Variants in TMEM150C observed in about 807,000 individuals in gnomAD.
TMEM150C encodes tentonin 3.
Under a neutral mutation model 29.9 loss-of-function variants are expected in TMEM150C, and 10 were observed. The ratio of observed to expected loss-of-function variants is 0.33; its 90% confidence interval spans 0.21 to 0.57. The LOEUF (loss-of-function observed/expected upper bound fraction) is 0.57, where lower values mean the gene tolerates loss of function less well. Ranked by LOEUF, TMEM150C falls within the 20% of genes least tolerant of loss-of-function variation. The pLI is 0.88. For synonymous variants in TMEM150C, 101 were observed against 112.5 expected (o/e 0.90, Z 0.64); for missense variants, 251 against 303.6 (o/e 0.83, Z 1.29).
chr4:82,520,336 C>T (rs185048883), intron 1 of TMEM150C, among the ~76,000 whole-genome samples: 20 of 152,290 alleles, frequency 1.3e-4, no homozygotes, highest in Admixed American at 5.2e-4. Context: ...TATGTCAGCA[C>T]CCACAGTGTC....
chr4:82,490,942 T>C (rs1723321517), intron 6 of TMEM150C: 4 of 727,016 alleles, frequency 5.5e-6, no homozygotes, highest in Admixed American at 3.5e-5. Context: ...TCGGATCTGT[T>C]TTTGTAATTG....
At chr4:82,539,352 CAT>C (rs1403468646) in intron 1 of TMEM150C, among the ~76,000 whole-genome samples, 3 of 151,942 alleles carry the variant, frequency 2.0e-5, no homozygotes, top group African/African-American at 4.8e-5. Context: ...ATTACAATAA[CAT>C]AGAATTATTA....
chr4:82,511,949 T>A (rs958034354), intron 1 of TMEM150C, among the ~76,000 whole-genome samples: 2 of 152,224 alleles, frequency 1.3e-5, no homozygotes, highest in African/African-American at 4.8e-5. Context: ...CAGTCATTTC[T>A]CCTCTTTTTC....
chr4:82,496,187 C>T lies in TMEM150C; in HGVS notation c.244G>A (p.Val82Ile), dbSNP rs185033460. Residue 82 changes from valine (V) to isoleucine (I), a missense_variant, in exon 6 of 8, where the codon GTA becomes ATA. Transcript: ENST00000449862. Reference sequence around the variant, plus strand: ...AGTTGTATGAAGCGCAGAACAGCTACCACAAGGGCTAGGAATAAAGCAAAG... The same window carrying T: ...AGTTGTATGAAGCGCAGAACAGCTATCACAAGGGCTAGGAATAAAGCAAAG... ...MNMAAFLALVVAVLRFIQLKP... is the reference protein window; with the variant it reads ...MNMAAFLALVIAVLRFIQLKP... The T allele has an allele frequency of 6.2e-7, 1 of 1,613,802 alleles. No individual in the cohort carries two copies. The highest frequency in any genetic ancestry group is 1.7e-5 in the Admixed American group (1 of 60,008).
At chr4:82,488,255 G>A (rs540775552) in intron 7 of TMEM150C, among the ~76,000 whole-genome samples, 3 of 152,270 alleles carry the variant, frequency 2.0e-5, no homozygotes, top group South Asian at 2.1e-4. Flanking sequence ...AGGTTGCTGC[G>A]AATGCCATTG....
chr4:82,557,588 G>A (rs899733203), intron 1 of TMEM150C, among the ~76,000 whole-genome samples: 2 of 152,102 alleles, frequency 1.3e-5, no homozygotes, highest in Non-Finnish European at 2.9e-5. Context: ...GAGGGGCCAG[G>A]CATCTAAACA....
At chr4:82,558,839 G>A (rs1725823126) in intron 1 of TMEM150C, among the ~76,000 whole-genome samples, 1 of 152,206 alleles carries the variant, frequency 6.6e-6, no homozygotes, top group Admixed American at 6.5e-5. Context: ...CATATCCCCT[G>A]TGACCTGCAC....
At chr4:82,502,999 G>C in intron 3 of TMEM150C, 60 bp downstream of exon 3, 1 of 1,602,560 alleles carries the variant, frequency 6.2e-7, no homozygotes, top group Non-Finnish European at 8.5e-7. Flanking sequence ...AACCTTCCCA[G>C]TGGGAAAGTT....
intron 1 of TMEM150C, among the ~76,000 whole-genome samples, chr4:82,548,245 G>A (rs182223107): frequency 5.3e-4 from 81 of 152,176 alleles, no homozygotes; most frequent in Admixed American, 1.8e-3. Context: ...TCAGTACCTG[G>A]GTGATGAGAA....
At chr4:82,560,043 C>T (rs1245847018) in intron 1 of TMEM150C, among the ~76,000 whole-genome samples, 4 of 152,128 alleles carry the variant, frequency 2.6e-5, no homozygotes, top group Non-Finnish European at 5.9e-5. Flanking sequence ...GCCCAAAAAC[C>T]CCTGCAAGGT....
At chr4:82,490,599 G>GGTTT (rs982403199) in intron 6 of TMEM150C, among the ~76,000 whole-genome samples, 1 of 151,798 alleles carries the variant, frequency 6.6e-6, no homozygotes, top group African/African-American at 2.4e-5. Context: ...TTTTTGTTTT[G>GGTTT]GTTTGTTTGT....
chr4:82,493,815 G>A (rs1345856491), intron 6 of TMEM150C, among the ~76,000 whole-genome samples: 1 of 152,146 alleles, frequency 6.6e-6, no homozygotes, highest in Non-Finnish European at 1.5e-5. Context: ...ATATTCTCCT[G>A]GTAATCACTG....
chr4:82,495,915 C>T (rs892460528), intron 6 of TMEM150C, 153 bp downstream of exon 6: 19 of 931,238 alleles, frequency 2.0e-5, no homozygotes, highest in South Asian at 1.5e-4. Context: ...TGAACAGCTC[C>T]GAGTTGCCAT....
chr4:82,528,382 C>T (rs970076514), intron 1 of TMEM150C, among the ~76,000 whole-genome samples: 1 of 152,186 alleles, frequency 6.6e-6, no homozygotes, highest in African/African-American at 2.4e-5. Context: ...TGTATTGCTA[C>T]AAGTTCCCAG....
chr4:82,511,970 G>C (rs370666690), intron 1 of TMEM150C, among the ~76,000 whole-genome samples: 1 of 152,156 alleles, frequency 6.6e-6, no homozygotes, highest in Non-Finnish European at 1.5e-5. Context: ...TTAGCTAATA[G>C]AAGTCTAATT....
chr4:82,529,930 A>G (rs1231762114), intron 1 of TMEM150C, among the ~76,000 whole-genome samples: 1 of 152,100 alleles, frequency 6.6e-6, no homozygotes, highest in African/African-American at 2.4e-5. Context: ...GGTTAATAGG[A>G]AAGAAGTAGA....
At chr4:82,490,298 T>G (rs1723295171) in intron 6 of TMEM150C, 60 bp from the exon 7 acceptor site, 2 of 1,441,260 alleles carry the variant, frequency 1.4e-6, no homozygotes, top group Non-Finnish European at 1.9e-6. Context: ...ACAGGCAAGT[T>G]GAAGGAATGA....
intron 1 of TMEM150C, among the ~76,000 whole-genome samples, chr4:82,543,764 T>C (rs1725267086): frequency 6.6e-6 from 1 of 152,232 alleles, no homozygotes; most frequent in Non-Finnish European, 1.5e-5. Context: ...TTTCAGATGC[T>C]CTGGAATAAA....
chr4:82,523,448 C>G (rs900338560), intron 1 of TMEM150C, among the ~76,000 whole-genome samples: 15 of 152,090 alleles, frequency 9.9e-5, no homozygotes, highest in African/African-American at 3.6e-4. Context: ...GTTCTACACA[C>G]GTGGGGATAT....
Sources: allele counts gnomAD v4.1 joint callset (sites outside exome capture counted in the v4.1 genomes callset), GRCh38; gene constraint gnomAD v4.1.1; transcripts MANE v1.5; gene names NCBI Gene and HGNC (gene_info 2026-07-23, HGNC 2026-07-21).